ELP6: variants seen among roughly 807,000 people sequenced by gnomAD.
ELP6 encodes the protein elongator acetyltransferase complex subunit 6, also known as elongator complex protein 6.
A neutral mutation model predicts 28.1 loss-of-function variants in ELP6; 23 were observed. The observed-to-expected ratio is 0.82, with a 90% CI of 0.59 to 1.16. The LOEUF is 1.16. Ranked by LOEUF, ELP6 falls within the 50% of genes most tolerant of loss-of-function variation. The probability of loss-of-function intolerance (pLI) is 0.00; values close to 1 mark genes in which losing one functional copy is unlikely to be tolerated. For missense variants in ELP6, 313 were observed against 334.6 expected (o/e 0.94, Z 0.50); for synonymous variants, 132 against 135.8 (o/e 0.97, Z 0.19).
In ELP6 at chr3:47,498,427, G is replaced by A; in HGVS notation, c.531C>T (p.Asn177=). ...CACTGTCGTGCACAAGGACCACCAT[G>A]TTTCCCTGCATCAGATACAAGATGG... ...RATVCWELKG[N]MVVLVHDSGD... Residue 177 remains asparagine, a synonymous_variant, in exon 6 of 7, where the codon AAC becomes AAT. Coordinates refer to ENST00000296149, the MANE Select transcript of ELP6 (RefSeq NM_001031703.3). 1.2e-6 allele frequency: 2 copies of A among 1,612,304 alleles called. No homozygotes were observed. Among genetic ancestry groups the A allele is most frequent in the Non-Finnish European group, 1.7e-6 (2 of 1,179,950 alleles).
At chr3:47,503,550 C>G (rs1034247811) in intron 4 of ELP6, 5 of 595,508 alleles carry the variant, frequency 8.4e-6, no homozygotes, top group Non-Finnish European at 1.3e-5. Flanking sequence ...GGACAACATG[C>G]AAACAAATGA....
chr3:47,511,513 T>C, intron 1 of ELP6: 1 of 1,192,522 alleles, frequency 8.4e-7, no homozygotes, highest in Non-Finnish European at 1.0e-6. Flanking sequence ...TCACTTCTCA[T>C]GTTAGTCACT....
intron 4 of ELP6, chr3:47,503,158 A>G: frequency 8.7e-7 from 1 of 1,146,754 alleles, no homozygotes; most frequent in Non-Finnish European, 1.1e-6. Flanking sequence ...CCTGCCTTCA[A>G]ATGAGGAAAC....
At chr3:47,502,226 A>G (rs1032347334) in intron 4 of ELP6, 12 of 193,960 alleles carry the variant, frequency 6.2e-5, no homozygotes, top group African/African-American at 2.6e-4. Flanking sequence ...CTGGCCAACA[A>G]TGGTGAAACC....
At chr3:47,513,366 G>A (rs1207064660) in intron 1 of ELP6, 171 bp downstream of exon 1, 3 of 1,407,370 alleles carry the variant, frequency 2.1e-6, no homozygotes, top group African/African-American at 1.5e-5. Context: ...ACTTTCGGCG[G>A]GCCCAAGCCT....
chr3:47,505,852 G>T (rs902761633), intron 3 of ELP6, among the ~76,000 whole-genome samples: 2 of 152,136 alleles, frequency 1.3e-5, no homozygotes, highest in Non-Finnish European at 2.9e-5. Flanking sequence ...GATTACAGGC[G>T]TGAGCCACCG....
In ELP6 at chr3:47,498,292, G is replaced by A. The variant is rs779117356; in HGVS notation, c.666C>T (p.His222=). The stretch of plus-strand genomic sequence containing the variant: ...CCAGGAGGCCCCTGCATACCTGCCC[G>A]TGCACATCCCTGCAGAAGCCAGTGG... ...GLATGFCRDV[H]GQLRILWRRP... is the part of the protein sequence containing the mutation. Residue 222 remains histidine, a synonymous_variant, in exon 6 of 7, where the codon CAC becomes CAT. Transcript: ENST00000296149. 2.0e-5 allele frequency: 33 copies of A among 1,613,226 alleles called. No individual in the cohort carries two copies. Among genetic ancestry groups the A allele is most frequent in the East Asian group, 8.9e-5 (4 of 44,866 alleles).
intron 1 of ELP6, 166 bp downstream of exon 1, chr3:47,513,371 A>G: frequency 1.4e-6 from 2 of 1,410,316 alleles, no homozygotes; most frequent in African/African-American, 1.5e-5. Context: ...CGGCGGGCCC[A>G]AGCCTCCAGT....
chr3:47,512,588 C>T (rs1019719832), intron 1 of ELP6: 10 of 983,794 alleles, frequency 1.0e-5, no homozygotes, highest in East Asian at 1.1e-4. Context: ...AAGATACACT[C>T]CTGAAAGAGG....
chr3:47,497,448 T>A, intron 6 of ELP6: 1 of 567,828 alleles, frequency 1.8e-6, no homozygotes, highest in Non-Finnish European at 2.2e-6. Flanking sequence ...GCGATTCTCC[T>A]GCCTCAGCCT....
chr3:47,501,443 G>A (rs143111812), intron 5 of ELP6: 70 of 585,440 alleles, frequency 1.2e-4, no homozygotes, highest in African/African-American at 1.2e-3. Context: ...TGAATGCAAT[G>A]TTGATCATCC....
At chr3:47,499,819 C>T in intron 5 of ELP6, 1 of 1,130,000 alleles carries the variant, frequency 8.8e-7, no homozygotes. Flanking sequence ...TGGGCTGTGG[C>T]CCCAGCTGGA....
rs1346120694 is a variant in ELP6 at position 47,495,981 on chromosome 3, C to T, written c.*88G>A. The T allele has an allele frequency of 1.9e-6, 3 of 1,602,048 alleles. No individual in the cohort carries two copies. The highest frequency in any genetic ancestry group is 2.6e-6 in the Non-Finnish European group (3 of 1,175,208). On this transcript the variant is annotated 3_prime_UTR_variant, in exon 7 of 7. Coordinates refer to ENST00000296149, the MANE Select transcript of ELP6 (RefSeq NM_001031703.3). Reference sequence around the variant, plus strand: ...GCCGGTCCAGCCTGAAATATTACTACAGAGGAGAAAGACCCATTCTTGCTA... The same window carrying T: ...GCCGGTCCAGCCTGAAATATTACTATAGAGGAGAAAGACCCATTCTTGCTA...
chr3:47,499,674 CA>C (rs1252339100), intron 5 of ELP6: 1 of 813,146 alleles, frequency 1.2e-6, no homozygotes, highest in Non-Finnish European at 1.4e-6. Context: ...GCCTGGGCAA[CA>C]AGAGCAAAAC....
intron 2 of ELP6, 89 bp from the exon 3 acceptor site, chr3:47,510,343 C>T (rs752777130): frequency 1.2e-5 from 13 of 1,095,448 alleles, no homozygotes; most frequent in Non-Finnish European, 1.7e-5. Context: ...AGCACTGAGG[C>T]AAATCTAGAG....
intron 3 of ELP6, among the ~76,000 whole-genome samples, chr3:47,509,450 C>G (rs1010132085): frequency 1.3e-5 from 2 of 152,212 alleles, no homozygotes; most frequent in African/African-American, 2.4e-5. Flanking sequence ...CCATCTTATT[C>G]TTGCCTGCCT....
chr3:47,500,344 G>A (rs1708610457), intron 5 of ELP6: 1 of 620,742 alleles, frequency 1.6e-6, no homozygotes, highest in African/African-American at 2.0e-5. Flanking sequence ...GAGCCCAGGA[G>A]TTCAAGATCA....
chr3:47,508,062 C>T (rs1467274416), intron 3 of ELP6, among the ~76,000 whole-genome samples: 1 of 151,730 alleles, frequency 6.6e-6, no homozygotes, highest in East Asian at 1.9e-4. Flanking sequence ...TACATCCTGA[C>T]TGTTCTCCCT....
At position 47,513,575 on chromosome 3, in the gene ELP6, T is replaced by C. The variant is rs1476848148; in HGVS notation, c.16A>G (p.Asn6Asp). 6.2e-7 allele frequency: 1 copy of C among 1,613,164 alleles called. No homozygotes were observed. The highest frequency in any genetic ancestry group is 8.5e-7 in the Non-Finnish European group (1 of 1,179,636). MFVEL[N>D]NLLNTTPDRA... ...TCGGGGGTGGTGTTAAGCAGGTTAT[T>C]AAGTTCCACGAACATTCCGAGCTCC... The change falls in exon 1 of 7, where the codon AAT (asparagine) becomes GAT (aspartate). Residue 6 changes from asparagine (N) to aspartate (D), a missense_variant. Transcript: ENST00000296149.
Sources: allele counts gnomAD v4.1 joint callset (sites outside exome capture counted in the v4.1 genomes callset), GRCh38; gene constraint gnomAD v4.1.1; transcripts MANE v1.5; gene names NCBI Gene and HGNC (gene_info 2026-07-23, HGNC 2026-07-21).